Variants in MYH16 observed in about 807,000 individuals in gnomAD.
MYH16 encodes myosin heavy chain 16, also known as putative uncharacterized protein MYH16.
chr7:99,282,418 A>G (rs1792211425), intron 23 of MYH16, among the ~76,000 whole-genome samples: 1 of 152,168 alleles, frequency 6.6e-6, no homozygotes, highest in Non-Finnish European at 1.5e-5. Flanking sequence ...CACTGCTCCT[A>G]GGGAAAATAT....
intron 8 of MYH16, among the ~76,000 whole-genome samples, chr7:99,255,226 G>A (rs543875502): frequency 1.3e-5 from 2 of 152,166 alleles, no homozygotes; most frequent in South Asian, 2.1e-4. Flanking sequence ...CCGAGATTGC[G>A]CCACCACACT....
chr7:99,267,918 CT>C (rs1431906851), intron 18 of MYH16, among the ~76,000 whole-genome samples: 1 of 152,220 alleles, frequency 6.6e-6, no homozygotes, highest in Non-Finnish European at 1.5e-5. Context: ...TCTGTGCCGC[CT>C]GGAGCAGATC....
chr7:99,259,668 G>C (rs1791915375), intron 11 of MYH16, among the ~76,000 whole-genome samples: 1 of 150,882 alleles, frequency 6.6e-6, no homozygotes. Context: ...ATGATGACCA[G>C]GCTGGAGACC....
intron 30 of MYH16, among the ~76,000 whole-genome samples, chr7:99,290,616 G>A (rs985879882): frequency 3.3e-5 from 5 of 151,744 alleles, no homozygotes; most frequent in Middle Eastern, 6.8e-3. Flanking sequence ...CCTGGCCAAC[G>A]TGGTAAAACC....
chr7:99,282,310 G>A (rs1792209833), intron 23 of MYH16, among the ~76,000 whole-genome samples: 1 of 151,968 alleles, frequency 6.6e-6, no homozygotes, highest in African/African-American at 2.4e-5. Context: ...ACAGGCGTGA[G>A]CCACCACACC....
exon 21 of MYH16, chr7:99,277,544 G>T: frequency 2.2e-6 from 1 of 457,018 alleles, no homozygotes; most frequent in Non-Finnish European, 4.4e-6. Flanking sequence ...CCCAGGTCAA[G>T]CCACTCCTGA....
At chr7:99,261,840 G>C (rs974658155) in intron 13 of MYH16, 1 of 152,278 alleles carries the variant, frequency 6.6e-6, no homozygotes, top group African/African-American at 2.4e-5. Flanking sequence ...ATCCATTAGG[G>C]AACAGCCATC....
intron 5 of MYH16, among the ~76,000 whole-genome samples, chr7:99,250,314 A>C (rs1791795071): frequency 6.6e-6 from 1 of 152,212 alleles, no homozygotes; most frequent in Non-Finnish European, 1.5e-5. Flanking sequence ...CCAGAAGGAC[A>C]GGTAGCAGAG....
At chr7:99,249,109 CTTTG>C (rs1791776566) in intron 4 of MYH16, 3 of 152,568 alleles carry the variant, frequency 2.0e-5, no homozygotes, top group Admixed American at 6.5e-5. Context: ...AATTGCGGGA[CTTTG>C]TTTGGAACTC....
intron 27 of MYH16, among the ~76,000 whole-genome samples, chr7:99,285,740 A>C (rs1792268066): frequency 6.6e-6 from 1 of 152,242 alleles, no homozygotes; most frequent in Non-Finnish European, 1.5e-5. Flanking sequence ...GGCAGAAGCA[A>C]GGAGAAAGGT....
chr7:99,299,018 G>A (rs1224336976), intron 36 of MYH16, among the ~76,000 whole-genome samples: 1 of 151,280 alleles, frequency 6.6e-6, no homozygotes, highest in African/African-American at 2.4e-5. Flanking sequence ...CTTGAGCTCA[G>A]GAGTTTGAGA....
At chr7:99,307,279 C>CT (rs1483899454), downstream of MYH16, among the ~76,000 whole-genome samples, 2 of 152,182 alleles carry the variant, frequency 1.3e-5, no homozygotes, top group Non-Finnish European at 2.9e-5. Flanking sequence ...ATTCAGGTCT[C>CT]TAACACTAAG....
chr7:99,295,328 A>G (rs949815667), intron 33 of MYH16, among the ~76,000 whole-genome samples: 1 of 150,554 alleles, frequency 6.6e-6, no homozygotes, highest in African/African-American at 2.4e-5. Flanking sequence ...CAGTGAGCCA[A>G]ATCGTGCCAC....
intron 22 of MYH16, 107 bp downstream of exon 4, chr7:99,279,844 G>A: frequency 2.7e-6 from 1 of 365,402 alleles, no homozygotes; most frequent in Non-Finnish European, 5.4e-6. Context: ...CTGACCACAT[G>A]GGGCAGTTTT....
chr7:99,259,851 A>G lies in MYH16; in HGVS notation n.1405-313A>G, dbSNP rs201303362. Among the ~76,000 whole-genome samples the G allele has an allele frequency of 8.1e-3, 554 of 68,198 alleles. 1 individual carries two copies. Among genetic ancestry groups the G allele is most frequent in the Admixed American group, 0.017 (115 of 6,734 alleles). The allele number at this position is 68,198 out of a possible 152,430, so 44.7% of individuals were successfully genotyped here. A position where few individuals can be genotyped will look rare whatever the true frequency, so the allele number is the denominator to read the frequency against. On this transcript the variant is annotated intron_variant and non_coding_transcript_variant, in intron 11 of 41. Coordinates refer to ENST00000439784, the Ensembl canonical transcript of MYH16. ...ATTATATATATATGTATGTATGTGT[A>G]TATATATATATATATATTTCTGTTT...
At chr7:99,292,784 A>C (rs542149208) in intron 32 of MYH16, among the ~76,000 whole-genome samples, 89 of 151,938 alleles carry the variant, frequency 5.9e-4, no homozygotes, top group African/African-American at 2.1e-3. Context: ...ACATGGTGAG[A>C]TCCTCATCTC....
chr7:99,308,148 A>G (rs1792706879), downstream of MYH16, among the ~76,000 whole-genome samples: 1 of 151,984 alleles, frequency 6.6e-6, no homozygotes. Context: ...ATACAAAATT[A>G]GCCAGGCGTG....
chr7:99,273,357 C>T, exon 20 of MYH16: 1 of 456,772 alleles, frequency 2.2e-6, no homozygotes, highest in South Asian at 1.5e-5. Context: ...GCCTGAAAGT[C>T]ATTCAGCAGA....
At chr7:99,241,337 C>T (rs1250840015) in intron 1 of MYH16, among the ~76,000 whole-genome samples, 1 of 152,178 alleles carries the variant, frequency 6.6e-6, no homozygotes, top group African/African-American at 2.4e-5. Flanking sequence ...AATCCCACCA[C>T]TTTGGGAGGC....
Sources: allele counts gnomAD v4.1 joint callset (sites outside exome capture counted in the v4.1 genomes callset), GRCh38; gene constraint gnomAD v4.1.1; transcripts MANE v1.5; gene names NCBI Gene and HGNC (gene_info 2026-07-23, HGNC 2026-07-21).